Variants in PAPPA observed in about 807,000 individuals in gnomAD.
The protein encoded by PAPPA is pappalysin-1.
Under a neutral mutation model 164.0 loss-of-function variants are expected in PAPPA, and 60 were observed. The ratio of observed to expected loss-of-function variants is 0.37; its 90% CI spans 0.30 to 0.45. PAPPA has a LOEUF of 0.45. Ranked by LOEUF, PAPPA falls within the 20% of genes least tolerant of loss-of-function variation. The probability of loss-of-function intolerance (pLI) is 1.00; values close to 1 mark genes in which losing one functional copy is unlikely to be tolerated. For missense variants in PAPPA, 1,782 were observed against 2,087.3 expected (o/e 0.85, Z 2.85); for synonymous variants, 875 against 814.1 (o/e 1.07, Z -1.27).
At chr9:116,335,614 G>T (rs926329627) in intron 13 of PAPPA, among the ~76,000 whole-genome samples, 6 of 152,140 alleles carry the variant, frequency 3.9e-5, no homozygotes, top group African/African-American at 1.4e-4. Flanking sequence ...TCTTTCAACT[G>T]CATGACATCA....
intron 21 of PAPPA, among the ~76,000 whole-genome samples, chr9:116,395,983 T>A (rs1271994716): frequency 6.6e-6 from 1 of 152,178 alleles, no homozygotes; most frequent in Non-Finnish European, 1.5e-5. Flanking sequence ...TTAATCAACT[T>A]TGCTACAGTG....
chr9:116,291,104 A>G (rs1311749143), intron 9 of PAPPA, among the ~76,000 whole-genome samples: 1 of 152,180 alleles, frequency 6.6e-6, no homozygotes, highest in African/African-American at 2.4e-5. Flanking sequence ...TGTCATTTAT[A>G]AGGATTACTA....
intron 4 of PAPPA, among the ~76,000 whole-genome samples, chr9:116,215,010 T>A (rs1161079059): frequency 1.3e-5 from 2 of 152,212 alleles, no homozygotes; most frequent in East Asian, 3.8e-4. Context: ...AAACAAAATG[T>A]TTGAATAATT....
At chr9:116,382,358 A>G in intron 20 of PAPPA, 37 bp from the exon 21 acceptor site, 1 of 1,347,194 alleles carries the variant, frequency 7.4e-7, no homozygotes, top group Non-Finnish European at 1.1e-6. Flanking sequence ...CAGGATGCTA[A>G]CAAGGCCTCA....
chr9:116,257,926 A>G (rs902434107), intron 7 of PAPPA, among the ~76,000 whole-genome samples: 2 of 151,256 alleles, frequency 1.3e-5, no homozygotes, highest in African/African-American at 2.4e-5. Flanking sequence ...AATTATGTGT[A>G]TGTGTGTGTG....
intron 6 of PAPPA, among the ~76,000 whole-genome samples, chr9:116,232,225 A>G (rs1311907300): frequency 1.3e-5 from 2 of 152,114 alleles, no homozygotes; most frequent in Non-Finnish European, 2.9e-5. Flanking sequence ...GTTGCTCTAC[A>G]ATTGCACTTG....
intron 9 of PAPPA, among the ~76,000 whole-genome samples, chr9:116,273,430 C>A (rs970255855): frequency 2.6e-5 from 4 of 152,118 alleles, no homozygotes; most frequent in Admixed American, 6.5e-5. Flanking sequence ...GTGATGACAG[C>A]AGAGATTCTA....
intron 1 of PAPPA, among the ~76,000 whole-genome samples, chr9:116,177,756 C>T (rs1234767066): frequency 6.6e-6 from 1 of 152,134 alleles, no homozygotes; most frequent in Non-Finnish European, 1.5e-5. Flanking sequence ...CAAGACAGCC[C>T]CAACATCAGC....
chr9:116,154,177 G>C lies in PAPPA; in HGVS notation c.5G>C (p.Arg2Pro). The change falls in exon 1 of 22, where the codon CGG (arginine) becomes CCG (proline). Residue 2 changes from arginine (R) to proline (P), a missense_variant. Coordinates refer to ENST00000328252, the MANE Select transcript of PAPPA (RefSeq NM_002581.5). The surrounding 1 kb of genome is among the most constrained non-coding windows in gnomAD (Gnocchi z 5.2). M[R>P]LWSWVLHLGL... ...GGGCGGGGGGAACCGTCGGACATGC[G>C]GCTCTGGAGTTGGGTGCTGCACCTG... 6.7e-7 allele frequency: 1 copy of C among 1,485,632 alleles called. No individual in the cohort carries two copies. The highest frequency in any genetic ancestry group is 1.2e-5 in the South Asian group (1 of 83,086). The allele number at this position is 1,485,632 out of a possible 1,614,324, so 92.0% of individuals were successfully genotyped here.
intron 13 of PAPPA, among the ~76,000 whole-genome samples, chr9:116,337,197 G>A (rs542684721): frequency 1.3e-5 from 2 of 152,260 alleles, no homozygotes; most frequent in African/African-American, 4.8e-5. Context: ...CTGAGTAAGG[G>A]GATGGAGCTG....
intron 10 of PAPPA, among the ~76,000 whole-genome samples, chr9:116,327,076 C>T (rs1246558125): frequency 6.6e-6 from 1 of 152,152 alleles, no homozygotes; most frequent in Non-Finnish European, 1.5e-5. Context: ...GTTTGAGCTC[C>T]ATGGAATCTC....
chr9:116,168,681 A>G (rs1843741887), intron 1 of PAPPA, among the ~76,000 whole-genome samples: 1 of 152,182 alleles, frequency 6.6e-6, no homozygotes, highest in Non-Finnish European at 1.5e-5. Context: ...GAGAACAATC[A>G]ACACTTCTGG....
chr9:116,344,911 A>T (rs1846188096), intron 14 of PAPPA, among the ~76,000 whole-genome samples, 200 bp downstream of exon 14: 1 of 152,236 alleles, frequency 6.6e-6, no homozygotes, highest in Non-Finnish European at 1.5e-5. Context: ...TCTAAGAAAA[A>T]GGGTTCCTGT....
rs763887940 is a variant in PAPPA, at chr9:116,227,418, C to A, written c.2112-13C>A. 2 of 1,613,734 alleles carry A rather than the reference C, an allele frequency of 1.2e-6. No homozygotes were observed. Among genetic ancestry groups the A allele is most frequent in the African/African-American group, 2.7e-5 (2 of 74,918 alleles). On this transcript the variant is annotated splice_polypyrimidine_tract_variant and intron_variant, in intron 5 of 21. Coordinates refer to ENST00000328252, the MANE Select transcript of PAPPA (RefSeq NM_002581.5). ...TAAGTCGGTGCATTTTCCCTCTTTC[C>A]TTGGCCTCCTAGAGAATTGGGATCA...
intron 1 of PAPPA, among the ~76,000 whole-genome samples, chr9:116,156,346 ATG>A (rs1189573586): frequency 2.4e-5 from 2 of 82,500 alleles, no homozygotes; most frequent in African/African-American, 3.7e-5. Context: ...ATATATATAT[ATG>A]TATATATATA....
intron 1 of PAPPA, among the ~76,000 whole-genome samples, chr9:116,177,322 G>A (rs530117061): frequency 6.6e-6 from 1 of 152,280 alleles, no homozygotes; most frequent in East Asian, 1.9e-4. Context: ...ACTGTCCACT[G>A]TGCTTTCACT....
chr9:116,206,231 C>A (rs1844233842), intron 2 of PAPPA, among the ~76,000 whole-genome samples: 1 of 152,108 alleles, frequency 6.6e-6, no homozygotes, highest in Non-Finnish European at 1.5e-5. Context: ...CTCTCCTGGG[C>A]CCACCTATCT....
chr9:116,238,681 G>T (rs191306546), intron 7 of PAPPA, among the ~76,000 whole-genome samples: 137 of 152,258 alleles, frequency 9.0e-4, no homozygotes, highest in African/African-American at 3.2e-3. Context: ...CCTACTATGT[G>T]TCAAGCACAA....
chr9:116,374,995 C>T (rs1201822625), intron 19 of PAPPA, among the ~76,000 whole-genome samples: 5 of 152,226 alleles, frequency 3.3e-5, no homozygotes, highest in Non-Finnish European at 7.3e-5. Flanking sequence ...CACGCTTCAC[C>T]CTGGAAGGAT....
Sources: allele counts gnomAD v4.1 joint callset (sites outside exome capture counted in the v4.1 genomes callset), GRCh38; gene constraint gnomAD v4.1.1; non-coding constraint Gnocchi (gnomAD v3.1); transcripts MANE v1.5; gene names NCBI Gene and HGNC (gene_info 2026-07-23, HGNC 2026-07-21).